Variants in UBE2H observed in about 807,000 individuals in gnomAD.
The protein encoded by UBE2H is ubiquitin-conjugating enzyme E2 H.
In UBE2H, 3 loss-of-function variants were observed where a neutral mutation model predicts 29.0. The observed-to-expected ratio is 0.10, with a 90% confidence interval of 0.05 to 0.27. The LOEUF (loss-of-function observed/expected upper bound fraction) is 0.27, where lower values mean the gene tolerates loss of function less well. Among genes scored for constraint, UBE2H ranks in the 10% least tolerant of loss-of-function variants. The pLI is 1.00. For missense variants in UBE2H, 68 were observed against 228.2 expected, an observed-to-expected ratio of 0.30 and a Z score of 4.52; for synonymous variants, 69 against 82.9, an observed-to-expected ratio of 0.83 and a Z score of 0.91.
At chr7:129,887,307 G>A (rs902717355) in intron 1 of UBE2H, among the ~76,000 whole-genome samples, 9 of 148,098 alleles carry the variant, frequency 6.1e-5, no homozygotes, top group African/African-American at 2.3e-4. Flanking sequence ...CCACAACCTC[G>A]GCCTCCCAGG....
chr7:129,835,452 A>C (rs1805305692), intron 6 of UBE2H, among the ~76,000 whole-genome samples: 1 of 152,208 alleles, frequency 6.6e-6, no homozygotes, highest in Non-Finnish European at 1.5e-5. Context: ...GAAATCCTTC[A>C]TCATTTTTAG....
At chr7:129,944,723 C>CGTGCGCATGCGCTCAAA (rs1305784390) in intron 1 of UBE2H, among the ~76,000 whole-genome samples, 3 of 98,380 alleles carry the variant, frequency 3.0e-5, no homozygotes, top group African/African-American at 1.1e-4. Context: ...AAAACACACA[C>CGTGCGCATGCGCTCAAA]ACACACACAC....
At chr7:129,936,322 C>T (rs185438401) in intron 1 of UBE2H, among the ~76,000 whole-genome samples, 2 of 152,284 alleles carry the variant, frequency 1.3e-5, no homozygotes, top group Admixed American at 1.3e-4. Flanking sequence ...AAGCCGGGCA[C>T]GGTGGCTCAC....
Position 129,944,746 on chromosome 7 carries a change from ACACACG to A in UBE2H, c.53+7751_53+7756del, listed in dbSNP as rs1451306274. Among the ~76,000 whole-genome samples, 1,154 of 133,334 alleles carry A rather than the reference ACACACG, an allele frequency of 8.7e-3. 7 individuals carry two copies. The highest frequency in any genetic ancestry group is 0.028 in the African/African-American group (1,057 of 38,114). 87.5% of individuals were successfully genotyped at this position (133,334 alleles called of 152,430 possible). A position where few individuals can be genotyped will look rare whatever the true frequency, so the allele number is the denominator to read the frequency against. ...CACACACACACACACACACACACACACACACGCACGCACGCACGCGCATGCGCAAAC... is the reference window on the plus strand; with the variant it reads ...CACACACACACACACACACACACACACACGCACGCACGCGCATGCGCAAAC... On this transcript the variant is annotated intron_variant, in intron 1 of 6. Transcript: ENST00000355621.
chr7:129,936,956 C>T (rs1807543168), intron 1 of UBE2H, among the ~76,000 whole-genome samples: 1 of 151,514 alleles, frequency 6.6e-6, no homozygotes, highest in African/African-American at 2.4e-5. Context: ...CCAGCCTGGG[C>T]AACAAGTGTG....
At chr7:129,905,062 G>C (rs187520737) in intron 1 of UBE2H, among the ~76,000 whole-genome samples, 3 of 152,246 alleles carry the variant, frequency 2.0e-5, no homozygotes, top group Admixed American at 6.5e-5. Context: ...TGACTGAGGG[G>C]AGTACAAGCC....
At chr7:129,869,734 G>C (rs561180379) in intron 3 of UBE2H, among the ~76,000 whole-genome samples, 117 of 152,336 alleles carry the variant, frequency 7.7e-4, no homozygotes, top group Non-Finnish European at 8.4e-4. Flanking sequence ...GAGTATTTGG[G>C]AGGACAGGGG....
Position 129,882,426 on chromosome 7 carries a change from G to A in UBE2H, c.54-1455C>T, listed in dbSNP as rs147993423. On this transcript the variant is annotated intron_variant, in intron 1 of 6. Coordinates refer to ENST00000355621, the MANE Select transcript of UBE2H (RefSeq NM_003344.4). ...CTCATAGAGAATAAATATTTTTAAA[G>A]ATTTGAAATTAAATATTTGGCACTC... Among the ~76,000 whole-genome samples, 4 of 152,234 alleles carry A rather than the reference G, an allele frequency of 2.6e-5. No individual in the cohort carries two copies. In the East Asian group the frequency reaches 7.7e-4, roughly 29 times the overall value.
intron 1 of UBE2H, among the ~76,000 whole-genome samples, chr7:129,887,790 TCGGGAGG>T (rs924379885): frequency 6.6e-6 from 1 of 151,868 alleles, no homozygotes; most frequent in African/African-American, 2.4e-5. Flanking sequence ...TCCCAGCTAC[TCGGGAGG>T]CGGAGATTAC....
intron 1 of UBE2H, among the ~76,000 whole-genome samples, chr7:129,916,521 C>A (rs1807047457): frequency 6.7e-6 from 1 of 150,184 alleles, no homozygotes; most frequent in South Asian, 2.1e-4. Flanking sequence ...CAAACCACAG[C>A]CATCCTCTCC....
chr7:129,891,679 G>A (rs1806490342), intron 1 of UBE2H, among the ~76,000 whole-genome samples: 1 of 151,918 alleles, frequency 6.6e-6, no homozygotes, highest in African/African-American at 2.4e-5. Context: ...GCACGTGCCT[G>A]TAATCCCAGC....
chr7:129,948,930 GTA>G, intron 1 of UBE2H: 1 of 447,488 alleles, frequency 2.2e-6, no homozygotes, highest in Non-Finnish European at 4.5e-6. Context: ...CACCTCTTTT[GTA>G]TATAAACACA....
chr7:129,849,022 T>C (rs1000486933), intron 5 of UBE2H, among the ~76,000 whole-genome samples: 1 of 152,168 alleles, frequency 6.6e-6, no homozygotes, highest in African/African-American at 2.4e-5. Flanking sequence ...TAATAATGGT[T>C]GAATTTTTAA....
rs1208871059 is a variant in UBE2H, at chr7:129,932,773, C to CAAAAAAAAAA, written c.53+19720_53+19729dup. ...TGGGCGACAGAGCGAGACTCCGTCT[C>CAAAAAAAAAA]AAAAAAAAAAAAAAAAAAAAAAAAG... On this transcript the variant is annotated intron_variant, in intron 1 of 6. Coordinates refer to ENST00000355621, the MANE Select transcript of UBE2H (RefSeq NM_003344.4). Among the ~76,000 whole-genome samples, 5 of 33,210 alleles carry CAAAAAAAAAA rather than the reference C, an allele frequency of 1.5e-4. 1 individual carries two copies. The East Asian group carries it at 4.3e-3, about 29-fold the overall frequency. 21.8% of individuals were successfully genotyped at this position (33,210 alleles called of 152,430 possible).
At chr7:129,881,385 G>T (rs952179464) in intron 1 of UBE2H, among the ~76,000 whole-genome samples, 9 of 152,190 alleles carry the variant, frequency 5.9e-5, no homozygotes, top group African/African-American at 2.2e-4. Context: ...AGCGGCTCAC[G>T]CCTGTAATCC....
chr7:129,898,852 G>A (rs1806652657), intron 1 of UBE2H, among the ~76,000 whole-genome samples: 1 of 151,430 alleles, frequency 6.6e-6, no homozygotes, highest in African/African-American at 2.4e-5. Context: ...CATGACTGGG[G>A]CTTAAAATAG....
intron 6 of UBE2H, 132 bp downstream of exon 6, chr7:129,839,075 A>G (rs1398072233): frequency 7.3e-7 from 1 of 1,378,534 alleles, no homozygotes; most frequent in Non-Finnish European, 9.7e-7. Context: ...GCACTACTTC[A>G]GCCCACAGCT....
chr7:129,840,353 A>G (rs980655822), intron 5 of UBE2H, among the ~76,000 whole-genome samples: 3 of 146,052 alleles, frequency 2.1e-5, no homozygotes, highest in African/African-American at 7.5e-5. Flanking sequence ...TACCCAGCTA[A>G]TTTTTTTTTT....
At chr7:129,879,707 A>T in intron 2 of UBE2H, 65 bp from the exon 3 acceptor site, 1 of 1,431,054 alleles carries the variant, frequency 7.0e-7, no homozygotes, top group East Asian at 2.3e-5. Flanking sequence ...ATCTGAGTGT[A>T]AATTAAACAT....
Sources: allele counts gnomAD v4.1 joint callset (sites outside exome capture counted in the v4.1 genomes callset), GRCh38; gene constraint gnomAD v4.1.1; transcripts MANE v1.5; gene names NCBI Gene and HGNC (gene_info 2026-07-23, HGNC 2026-07-21).